SAMMSON: variants seen among roughly 807,000 people sequenced by gnomAD.
The protein encoded by SAMMSON is survival associated mitochondrial melanoma specific oncogenic non-coding RNA.
chr3:70,125,115 G>A lies in SAMMSON; in HGVS notation n.507+53550G>A, dbSNP rs989940886. The A allele has an allele frequency of 3.5e-5, 46 of 1,316,418 alleles. No homozygotes were observed. The African/African-American group carries it at 4.3e-4, about 12-fold the overall frequency. 81.5% of individuals were successfully genotyped at this position (1,316,418 alleles called of 1,614,324 possible). Reference sequence around the variant, plus strand: ...GGATCTGGTTTTTGTCTAGCAGATCGAGCAAATTGAACCACCATGGGTTTT... The same window carrying A: ...GGATCTGGTTTTTGTCTAGCAGATCAAGCAAATTGAACCACCATGGGTTTT... On this transcript the variant is annotated intron_variant and non_coding_transcript_variant, in intron 4 of 9. Coordinates refer to ENST00000642114, the Ensembl canonical transcript of SAMMSON.
chr3:70,291,869 G>C (rs1396390995), intron 7 of SAMMSON: 1 of 152,210 alleles, frequency 6.6e-6, no homozygotes, highest in African/African-American at 2.4e-5. Context: ...CTTCCTGGAA[G>C]AATGTAGGAG....
chr3:70,095,775 C>G (rs968339359), intron 4 of SAMMSON, among the ~76,000 whole-genome samples: 5 of 152,094 alleles, frequency 3.3e-5, no homozygotes, highest in African/African-American at 1.2e-4. Context: ...TAAGTGTTAA[C>G]TATAATATTC....
chr3:70,105,973 T>TAC (rs1370838590), intron 4 of SAMMSON, among the ~76,000 whole-genome samples: 1 of 152,078 alleles, frequency 6.6e-6, no homozygotes, highest in African/African-American at 2.4e-5. Context: ...GGAACAACGA[T>TAC]ATAGTTGGTG....
intron 9 of SAMMSON, among the ~76,000 whole-genome samples, chr3:70,386,692 G>A (rs1483816776): frequency 4.6e-5 from 7 of 152,044 alleles, no homozygotes; most frequent in Admixed American, 4.6e-4. Flanking sequence ...TGAGTCAAAT[G>A]CTAATTTCCC....
chr3:70,074,530 G>C (rs369664861), intron 4 of SAMMSON, among the ~76,000 whole-genome samples: 2 of 152,016 alleles, frequency 1.3e-5, no homozygotes, highest in Non-Finnish European at 2.9e-5. Flanking sequence ...TAGTGCTAAA[G>C]CACAAATTTA....
intron 4 of SAMMSON, among the ~76,000 whole-genome samples, chr3:70,107,197 G>T (rs1228589445): frequency 6.6e-6 from 1 of 152,184 alleles, no homozygotes; most frequent in Non-Finnish European, 1.5e-5. Context: ...AAAAGAAACG[G>T]AGGGAAAGCT....
chr3:70,372,333 A>G (rs1011125763), intron 9 of SAMMSON, among the ~76,000 whole-genome samples: 2 of 151,838 alleles, frequency 1.3e-5, no homozygotes, highest in Admixed American at 6.6e-5. Flanking sequence ...TATTTTTGAT[A>G]CAGAGTCTTA....
At chr3:70,178,856 A>C (rs911152886) in intron 4 of SAMMSON, among the ~76,000 whole-genome samples, 1 of 151,996 alleles carries the variant, frequency 6.6e-6, no homozygotes, top group South Asian at 2.1e-4. Flanking sequence ...CAAAAATACA[A>C]AAAAATTAGC....
chr3:70,334,992 A>G (rs1412688443), intron 7 of SAMMSON, among the ~76,000 whole-genome samples: 2 of 152,116 alleles, frequency 1.3e-5, no homozygotes, highest in Non-Finnish European at 1.5e-5. Context: ...GTTATGGGAA[A>G]AAAGTTGATT....
chr3:70,417,988 G>A (rs943116419), intron 2 of SAMMSON, among the ~76,000 whole-genome samples: 4 of 152,172 alleles, frequency 2.6e-5, no homozygotes, highest in Admixed American at 6.5e-5. Flanking sequence ...CACTGTGGGA[G>A]CTTTGCCTCA....
At chr3:70,022,985 G>C (rs1292679346) in intron 3 of SAMMSON, among the ~76,000 whole-genome samples, 1 of 152,316 alleles carries the variant, frequency 6.6e-6, no homozygotes, top group African/African-American at 2.4e-5. Flanking sequence ...ACAATGGTTA[G>C]AAGAATTGGG....
chr3:70,091,922 T>C (rs1017574301), intron 4 of SAMMSON, among the ~76,000 whole-genome samples: 1 of 152,326 alleles, frequency 6.6e-6, no homozygotes, highest in South Asian at 2.1e-4. Flanking sequence ...TTGGAACCCC[T>C]GTCTGCCTTC....
chr3:70,160,843 A>G (rs759200613), intron 4 of SAMMSON, among the ~76,000 whole-genome samples: 4 of 152,062 alleles, frequency 2.6e-5, no homozygotes, highest in African/African-American at 9.7e-5. Flanking sequence ...ATATCTCTCC[A>G]TTAGTTTAGA....
chr3:70,191,892 A>AG, intron 4 of SAMMSON, among the ~76,000 whole-genome samples: 1 of 151,912 alleles, frequency 6.6e-6, no homozygotes, highest in African/African-American at 2.4e-5. Context: ...CCCTAAAAAA[A>AG]AAAAAAAAGG....
intron 6 of SAMMSON, among the ~76,000 whole-genome samples, chr3:70,278,408 C>T (rs1278930045): frequency 2.0e-5 from 3 of 152,098 alleles, no homozygotes; most frequent in Non-Finnish European, 4.4e-5. Flanking sequence ...GACATAAACA[C>T]TGGGGAGGAA....
intron 7 of SAMMSON, among the ~76,000 whole-genome samples, chr3:70,347,399 G>A (rs958674905): frequency 2.6e-5 from 4 of 152,178 alleles, no homozygotes; most frequent in Admixed American, 1.3e-4. Flanking sequence ...ATGTATTAGA[G>A]TCTTCGTTCA....
intron 7 of SAMMSON, among the ~76,000 whole-genome samples, chr3:70,295,995 A>G (rs1036748197): frequency 6.6e-6 from 1 of 152,188 alleles, no homozygotes; most frequent in African/African-American, 2.4e-5. Flanking sequence ...TGCTTTTTGT[A>G]CATGTATTTA....
chr3:70,161,381 A>T (rs1023245668), intron 4 of SAMMSON, among the ~76,000 whole-genome samples: 1 of 152,022 alleles, frequency 6.6e-6, no homozygotes, highest in African/African-American at 2.4e-5. Context: ...TCTATCATGT[A>T]TGGATGTTAG....
At chr3:70,325,568 A>T (rs1421601533) in intron 7 of SAMMSON, among the ~76,000 whole-genome samples, 1 of 152,164 alleles carries the variant, frequency 6.6e-6, no homozygotes, top group African/African-American at 2.4e-5. Context: ...GTAGTCCCTT[A>T]TATGGTGAGA....
Sources: allele counts gnomAD v4.1 joint callset (sites outside exome capture counted in the v4.1 genomes callset), GRCh38; gene constraint gnomAD v4.1.1; transcripts MANE v1.5; gene names NCBI Gene and HGNC (gene_info 2026-07-23, HGNC 2026-07-21).